TTLL11: variants seen among roughly 807,000 people sequenced by gnomAD.
TTLL11 encodes tubulin polyglutamylase TTLL11.
A neutral mutation model predicts 51.7 loss-of-function variants in TTLL11; 42 were observed. That is an observed-to-expected ratio of 0.81 (90% CI 0.64 to 1.05). The LOEUF is 1.05. Ranked by LOEUF, TTLL11 falls within the 50% of genes least tolerant of loss-of-function variation. TTLL11 has a pLI of 0.00. For missense variants in TTLL11, 799 were observed against 940.4 expected, an observed-to-expected ratio of 0.85 and a Z score of 1.97; for synonymous variants, 381 against 383.5, an observed-to-expected ratio of 0.99 and a Z score of 0.08.
At chr9:121,897,482 T>G (rs1839570266) in intron 6 of TTLL11, among the ~76,000 whole-genome samples, 1 of 152,084 alleles carries the variant, frequency 6.6e-6, no homozygotes, top group Admixed American at 6.5e-5. Context: ...CCGGCCATCA[T>G]CTCTGCGATG....
At chr9:121,994,344 G>C (rs1843195576) in intron 3 of TTLL11, among the ~76,000 whole-genome samples, 1 of 152,176 alleles carries the variant, frequency 6.6e-6, no homozygotes, top group South Asian at 2.1e-4. Context: ...CCACTAGTGA[G>C]ATTGGCAGGG....
At chr9:121,826,501 GTATATATATATA>G (rs1218370792) in intron 8 of TTLL11, among the ~76,000 whole-genome samples, 2 of 33,580 alleles carry the variant, frequency 6.0e-5, no homozygotes, top group African/African-American at 2.1e-4. Flanking sequence ...ATATGTGTGT[GTATATATATATA>G]TGTATATATA....
intron 6 of TTLL11, among the ~76,000 whole-genome samples, chr9:121,941,319 T>G (rs1202797689): frequency 1.3e-5 from 2 of 152,226 alleles, no homozygotes; most frequent in Non-Finnish European, 2.9e-5. Flanking sequence ...CCTCCTCTCT[T>G]GGGCTTTCCA....
At chr9:121,865,194 C>T (rs1838141154) in intron 7 of TTLL11, among the ~76,000 whole-genome samples, 1 of 152,066 alleles carries the variant, frequency 6.6e-6, no homozygotes, top group African/African-American at 2.4e-5. Flanking sequence ...GAAGCAAGGC[C>T]CCTTACGCTC....
chr9:121,899,796 GTC>G (rs1463587269), intron 6 of TTLL11, among the ~76,000 whole-genome samples: 2 of 152,064 alleles, frequency 1.3e-5, no homozygotes, highest in Non-Finnish European at 2.9e-5. Flanking sequence ...TTGGGTTTTT[GTC>G]TGTTTCATTC....
At chr9:121,975,430 A>T (rs1283241077) in intron 4 of TTLL11, among the ~76,000 whole-genome samples, 1 of 152,026 alleles carries the variant, frequency 6.6e-6, no homozygotes, top group Non-Finnish European at 1.5e-5. Context: ...CCACCACATC[A>T]GCTGGGCTTG....
At chr9:121,990,518 T>C (rs941926233) in intron 3 of TTLL11, among the ~76,000 whole-genome samples, 2 of 152,200 alleles carry the variant, frequency 1.3e-5, no homozygotes, top group African/African-American at 4.8e-5. Context: ...GGAATCTAGA[T>C]TGATGACTGA....
intron 3 of TTLL11, among the ~76,000 whole-genome samples, chr9:122,029,429 G>A (rs1844456129): frequency 6.6e-6 from 1 of 152,158 alleles, no homozygotes; most frequent in African/African-American, 2.4e-5. Context: ...GGAAGACAGT[G>A]ATATTGATGA....
chr9:121,871,546 G>T (rs1838358715), intron 6 of TTLL11, among the ~76,000 whole-genome samples: 1 of 152,134 alleles, frequency 6.6e-6, no homozygotes, highest in Admixed American at 6.5e-5. Context: ...CCCCTGCTTG[G>T]ACTGTAGCAA....
chr9:122,036,902 C>G (rs1057031675), intron 2 of TTLL11, among the ~76,000 whole-genome samples: 4 of 152,082 alleles, frequency 2.6e-5, no homozygotes, highest in African/African-American at 9.7e-5. Context: ...TAAGAGTCTG[C>G]TTTGTCATTA....
chr9:122,081,414 T>C (rs1365220273), intron 1 of TTLL11, among the ~76,000 whole-genome samples: 1 of 152,244 alleles, frequency 6.6e-6, no homozygotes. Context: ...CTAAGTACCA[T>C]GATGCCCCAT....
intron 6 of TTLL11, among the ~76,000 whole-genome samples, chr9:121,969,759 A>G (rs954991253): frequency 6.6e-6 from 1 of 152,196 alleles, no homozygotes; most frequent in Non-Finnish European, 1.5e-5. Context: ...CTAGCCTGGA[A>G]GTCTACATAA....
Position 121,982,856 on chromosome 9 carries a change from G to A in TTLL11, c.1269+6339C>T, listed in dbSNP as rs78412688. Among the ~76,000 whole-genome samples the A allele has an allele frequency of 6.8e-3, 1,035 of 152,292 alleles. 13 individuals are homozygous for A. Among genetic ancestry groups the A allele is most frequent in the African/African-American group, 0.024 (991 of 41,554 alleles). ...GAAACGGAGAGTGGCGGAAGATGAGGTCAGATAGACAAGGGGCAGATGGCG... is the reference window on the plus strand; with the variant it reads ...GAAACGGAGAGTGGCGGAAGATGAGATCAGATAGACAAGGGGCAGATGGCG... On this transcript the variant is annotated intron_variant, in intron 4 of 8. Coordinates refer to ENST00000321582, the MANE Select transcript of TTLL11 (RefSeq NM_001139442.2).
intron 8 of TTLL11, among the ~76,000 whole-genome samples, chr9:121,858,778 A>G (rs1431088671): frequency 1.3e-5 from 2 of 152,226 alleles, no homozygotes; most frequent in Admixed American, 1.3e-4. Context: ...TGTTGGCGCC[A>G]TTTTACAGAT....
intron 8 of TTLL11, among the ~76,000 whole-genome samples, chr9:121,834,780 T>C (rs1588056897): frequency 2.0e-5 from 3 of 151,662 alleles, no homozygotes; most frequent in Admixed American, 2.0e-4. Context: ...TGAGTTGAGA[T>C]TGTGCCACTG....
chr9:121,965,038 GATAA>G (rs1554775026), intron 6 of TTLL11, among the ~76,000 whole-genome samples: 1 of 152,140 alleles, frequency 6.6e-6, no homozygotes, highest in Non-Finnish European at 1.5e-5. Context: ...AAACACTCGA[GATAA>G]ATAAATATCT....
intron 6 of TTLL11, among the ~76,000 whole-genome samples, chr9:121,921,519 G>A (rs934769789): frequency 2.6e-5 from 4 of 152,086 alleles, no homozygotes; most frequent in Non-Finnish European, 5.9e-5. Context: ...AATTATGCCT[G>A]GACTGATTTA....
In TTLL11 at chr9:122,006,167, C is replaced by T. The variant is rs1235903909; in HGVS notation, c.694-16397G>A. Among the ~76,000 whole-genome samples the T allele has an allele frequency of 2.0e-5, 3 of 151,980 alleles. No homozygotes were observed. The East Asian group carries it at 5.8e-4, about 30-fold the overall frequency. ...CCAGCCTGGCCAACATGGTGAAACC[C>T]CTGTCTCTACTAAAAATACAAAAAT... On this transcript the variant is annotated intron_variant, in intron 3 of 8. Transcript: ENST00000321582.
At chr9:121,904,335 C>T (rs1839863777) in intron 6 of TTLL11, among the ~76,000 whole-genome samples, 1 of 152,190 alleles carries the variant, frequency 6.6e-6, no homozygotes, top group African/African-American at 2.4e-5. Context: ...CACCACCACG[C>T]CCAGCTAATT....
Sources: allele counts gnomAD v4.1 joint callset (sites outside exome capture counted in the v4.1 genomes callset), GRCh38; gene constraint gnomAD v4.1.1; transcripts MANE v1.5; gene names NCBI Gene and HGNC (gene_info 2026-07-23, HGNC 2026-07-21).